Variants in GRIA3 observed in about 807,000 individuals in gnomAD.
GRIA3 encodes glutamate ionotropic receptor AMPA type subunit 3, also known as glutamate receptor 3.
In GRIA3, 3 loss-of-function variants were observed where a neutral mutation model predicts 63.0. The ratio of observed to expected loss-of-function variants is 0.05; its 90% confidence interval spans 0.02 to 0.12. The LOEUF (loss-of-function observed/expected upper bound fraction) is 0.12. Ranked by LOEUF, GRIA3 falls within the 10% of genes least tolerant of loss-of-function variation. The pLI is 1.00. For missense variants in GRIA3, 347 were observed against 700.9 expected, an observed-to-expected ratio of 0.50 and a Z score of 5.70; for synonymous variants, 274 against 257.9, an observed-to-expected ratio of 1.06 and a Z score of -0.60.
At chrX:123,341,452 A>C (rs758333356) in intron 4 of GRIA3, among the ~76,000 whole-genome samples, 2 of 112,090 alleles carry the variant, frequency 1.8e-5, no homozygotes, top group South Asian at 7.5e-4. Flanking sequence ...CATTCATTAA[A>C]AAAAAATGAG....
intron 3 of GRIA3, among the ~76,000 whole-genome samples, chrX:123,319,849 G>A (rs1455231684): frequency 9.3e-6 from 1 of 107,598 alleles, no homozygotes; most frequent in Non-Finnish European, 1.9e-5. Flanking sequence ...GCTTTAATAT[G>A]CCACATTTGT....
At chrX:123,343,340 C>T (rs984196714) in intron 4 of GRIA3, among the ~76,000 whole-genome samples, 1 of 111,276 alleles carries the variant, frequency 9.0e-6, no homozygotes, top group African/African-American at 3.3e-5. Context: ...GTCTAAAGAT[C>T]CTTCTTTTTT....
intron 12 of GRIA3, among the ~76,000 whole-genome samples, chrX:123,445,654 C>A (rs766834113): frequency 6.2e-5 from 7 of 112,252 alleles, no homozygotes; most frequent in Non-Finnish European, 1.1e-4. Flanking sequence ...CACAGCAGGA[C>A]CCTGCCTTAA....
chrX:123,394,742 A>G (rs1394045861), intron 5 of GRIA3, among the ~76,000 whole-genome samples: 2 of 112,635 alleles, frequency 1.8e-5, no homozygotes, highest in Non-Finnish European at 3.7e-5. Flanking sequence ...CAGCCACATT[A>G]CATAAAGACA....
intron 5 of GRIA3, among the ~76,000 whole-genome samples, chrX:123,386,443 C>A (rs760715297): frequency 1.8e-5 from 2 of 111,659 alleles, no homozygotes; most frequent in Non-Finnish European, 3.8e-5. Flanking sequence ...CTTTACTGTG[C>A]AGAAGCTTTT....
intron 3 of GRIA3, among the ~76,000 whole-genome samples, chrX:123,324,519 A>G (rs2044887607): frequency 1.8e-5 from 2 of 111,748 alleles, no homozygotes; most frequent in South Asian, 7.5e-4. Flanking sequence ...TTGGCCTACC[A>G]TGTCCCCTCA....
intron 2 of GRIA3, among the ~76,000 whole-genome samples, chrX:123,250,302 G>A (rs16997236): frequency 0.034 from 3,800 of 111,389 alleles, 154 homozygotes; most frequent in African/African-American, 0.12. Flanking sequence ...TTAAAAGTCC[G>A]TGTATGAACT....
At chrX:123,190,299 G>A (rs1927395115) in intron 2 of GRIA3, among the ~76,000 whole-genome samples, 1 of 111,180 alleles carries the variant, frequency 9.0e-6, no homozygotes, top group African/African-American at 3.3e-5. Context: ...TCTGTCTGCT[G>A]GCCAGCCTTC....
At chrX:123,296,162 A>T (rs1471479359) in intron 3 of GRIA3, among the ~76,000 whole-genome samples, 1 of 111,272 alleles carries the variant, frequency 9.0e-6, no homozygotes, top group Non-Finnish European at 1.9e-5. Flanking sequence ...ACACTGGTAC[A>T]ATTAACTCTA....
intron 5 of GRIA3, among the ~76,000 whole-genome samples, chrX:123,384,103 C>A (rs1234773945): frequency 8.9e-6 from 1 of 111,858 alleles, no homozygotes; most frequent in Non-Finnish European, 1.9e-5. Context: ...TCCAGTCTAT[C>A]ATTGATGGGC....
At chrX:123,356,942 T>G (rs1043692762) in intron 5 of GRIA3, among the ~76,000 whole-genome samples, 13 of 111,520 alleles carry the variant, frequency 1.2e-4, no homozygotes, top group Non-Finnish European at 2.4e-4. Flanking sequence ...GAGTAATACC[T>G]GTGAAAGATA....
chrX:123,423,679 T>G (rs2045574930), intron 11 of GRIA3, among the ~76,000 whole-genome samples: 1 of 111,535 alleles, frequency 9.0e-6, no homozygotes, highest in Non-Finnish European at 1.9e-5. Context: ...TGATGCATAC[T>G]TTGGAAGAAA....
Position 123,489,136 on chromosome X carries a change from A to T in GRIA3, c.*426A>T, listed in dbSNP as rs970857619. On this transcript the variant is annotated 3_prime_UTR_variant, in exon 16 of 16. Transcript: ENST00000620443. ...ACACACATTTAAATTCCAATTCAGC[A>T]AAGAGGCCCATCTAAGCTAAAAAAA... 1 of 109,405 alleles carries T rather than the reference A, an allele frequency of 9.1e-6. No homozygotes were observed. Among genetic ancestry groups the T allele is most frequent in the Non-Finnish European group, 1.9e-5 (1 of 52,529 alleles). 9.0% of individuals were successfully genotyped at this position (109,405 alleles called of 1,213,427 possible).
chrX:123,277,013 T>C (rs1343160499), intron 3 of GRIA3, among the ~76,000 whole-genome samples: 1 of 111,765 alleles, frequency 8.9e-6, no homozygotes, highest in Non-Finnish European at 1.9e-5. Flanking sequence ...AACATTTCTA[T>C]CATTGCATTT....
intron 15 of GRIA3, among the ~76,000 whole-genome samples, chrX:123,483,835 G>A (rs1446232832): frequency 9.0e-6 from 1 of 111,083 alleles, no homozygotes; most frequent in Non-Finnish European, 1.9e-5. Context: ...GGGAGGCTGA[G>A]GCAGGAGAAT....
At chrX:123,378,471 C>CATGA (rs756653879) in intron 5 of GRIA3, among the ~76,000 whole-genome samples, 145 of 105,998 alleles carry the variant, frequency 1.4e-3, no homozygotes, top group Non-Finnish European at 2.3e-3. Context: ...AGTGCAGTGG[C>CATGA]ATGATCTCAG....
At chrX:123,369,391 C>CT (rs747378646) in intron 5 of GRIA3, among the ~76,000 whole-genome samples, 3 of 112,096 alleles carry the variant, frequency 2.7e-5, no homozygotes, top group Admixed American at 9.4e-5. Flanking sequence ...GGCACTAGAA[C>CT]TTTTCTCTTA....
chrX:123,184,297 A>G lies in GRIA3; in HGVS notation c.-239A>G. 7.5e-6 allele frequency: 3 copies of G among 399,096 alleles called. No individual in the cohort carries two copies. In the South Asian group the frequency reaches 1.0e-4, roughly 14 times the overall value. 32.9% of individuals were successfully genotyped at this position (399,096 alleles called of 1,213,427 possible). ...GGGAGCAAGAAAGGAAGAGAGAGCG[A>G]GCGAGAGAGAGCGAGCGAATAAGAG... On this transcript the variant is annotated 5_prime_UTR_variant, in exon 1 of 16. Transcript: ENST00000620443.
intron 12 of GRIA3, among the ~76,000 whole-genome samples, chrX:123,449,294 C>A (rs1241230796): frequency 8.9e-6 from 1 of 112,239 alleles, no homozygotes; most frequent in Non-Finnish European, 1.9e-5. Flanking sequence ...ATATGGCTAT[C>A]AGATTAAGTG....
Sources: allele counts gnomAD v4.1 joint callset (sites outside exome capture counted in the v4.1 genomes callset), GRCh38; gene constraint gnomAD v4.1.1; transcripts MANE v1.5; gene names NCBI Gene and HGNC (gene_info 2026-07-23, HGNC 2026-07-21).